Variants in ARL15 observed in about 807,000 individuals in gnomAD.
ARL15 encodes ARF like GTPase 15, also known as ADP-ribosylation factor-like protein 15.
ARL15 carries 19 observed loss-of-function variants against 25.2 expected under a neutral mutation model. The observed-to-expected ratio is 0.75, with a 90% CI of 0.53 to 1.10. ARL15 has a LOEUF of 1.10. ARL15 is among the 50% of genes least tolerant of loss of function. The probability of loss-of-function intolerance (pLI) is 0.00; values close to 1 mark genes in which losing one functional copy is unlikely to be tolerated. For missense variants in ARL15, 220 were observed against 246.0 expected (o/e 0.89, Z 0.71); for synonymous variants, 94 against 86.8 (o/e 1.08, Z -0.46).
At chr5:54,113,103 AC>A in intron 4 of ARL15, 98 bp downstream of exon 4, 1 of 1,182,490 alleles carries the variant, frequency 8.5e-7, no homozygotes, top group Non-Finnish European at 1.2e-6. Flanking sequence ...AAGCAGCATA[AC>A]CAGCACATTC....
intron 4 of ARL15, among the ~76,000 whole-genome samples, chr5:54,100,887 G>A (rs1752415669): frequency 6.6e-6 from 1 of 151,954 alleles, no homozygotes; most frequent in Admixed American, 6.6e-5. Context: ...CTAGAAAAGT[G>A]AACTACTTTT....
rs1287048972 is a variant in ARL15, at chr5:53,885,134, T to C, written c.*1427A>G. 1 of 152,626 alleles carries C rather than the reference T, an allele frequency of 6.6e-6. No homozygotes were observed. The highest frequency in any genetic ancestry group is 1.9e-4 in the East Asian group (1 of 5,194). The allele number at this position is 152,626 out of a possible 1,614,324, so 9.5% of individuals were successfully genotyped here. On this transcript the variant is annotated 3_prime_UTR_variant, in exon 5 of 5. Transcript: ENST00000504924. ...GGTATTACATCATTCTGTAATATAG[T>C]GTGAGTCTGTGGTATTTGGGTATCA...
At chr5:54,125,231 G>A (rs1033899049) in intron 3 of ARL15, among the ~76,000 whole-genome samples, 7 of 151,712 alleles carry the variant, frequency 4.6e-5, no homozygotes, top group Non-Finnish European at 1.0e-4. Flanking sequence ...ACGGGGTTTC[G>A]CCATGTTGGT....
chr5:54,149,684 T>C (rs1006272747), intron 3 of ARL15, among the ~76,000 whole-genome samples: 1 of 152,182 alleles, frequency 6.6e-6, no homozygotes. Flanking sequence ...CCTAGAATCA[T>C]ACAGAATTTC....
intron 1 of ARL15, among the ~76,000 whole-genome samples, chr5:54,274,772 T>C (rs759562237): frequency 3.3e-5 from 5 of 152,038 alleles, no homozygotes; most frequent in Non-Finnish European, 7.4e-5. Flanking sequence ...CACACACCTG[T>C]AATCCCAGCT....
chr5:54,108,767 GA>G (rs1752657582), intron 4 of ARL15, among the ~76,000 whole-genome samples: 1 of 151,630 alleles, frequency 6.6e-6, no homozygotes, highest in South Asian at 2.1e-4. Flanking sequence ...TTGTAGAAAG[GA>G]AAAAAAGTAC....
At chr5:54,211,059 A>C (rs1561268287) in intron 1 of ARL15, among the ~76,000 whole-genome samples, 1 of 152,248 alleles carries the variant, frequency 6.6e-6, no homozygotes, top group Non-Finnish European at 1.5e-5. Context: ...ACACAAAACG[A>C]AACTAGGATT....
At chr5:53,950,671 A>G (rs1334413628) in intron 4 of ARL15, among the ~76,000 whole-genome samples, 3 of 152,030 alleles carry the variant, frequency 2.0e-5, no homozygotes, top group Non-Finnish European at 4.4e-5. Flanking sequence ...AATCTTCTCC[A>G]TGCTTTTTTT....
chr5:54,047,342 T>G (rs948884485), intron 4 of ARL15, among the ~76,000 whole-genome samples: 16 of 152,162 alleles, frequency 1.1e-4, no homozygotes, highest in Non-Finnish European at 2.1e-4. Flanking sequence ...CAAAACCAAC[T>G]AATCAATAGC....
At chr5:54,094,860 A>G (rs1561221940) in intron 4 of ARL15, among the ~76,000 whole-genome samples, 1 of 152,184 alleles carries the variant, frequency 6.6e-6, no homozygotes, top group African/African-American at 2.4e-5. Context: ...GCACCTATAT[A>G]TACATCAATA....
At chr5:54,176,572 T>C (rs1390258459) in intron 1 of ARL15, among the ~76,000 whole-genome samples, 1 of 152,178 alleles carries the variant, frequency 6.6e-6, no homozygotes, top group Non-Finnish European at 1.5e-5. Context: ...CCTTTCACTG[T>C]TGTACAATGC....
intron 1 of ARL15, among the ~76,000 whole-genome samples, chr5:54,292,019 A>G (rs1758348635): frequency 6.6e-6 from 1 of 152,076 alleles, no homozygotes; most frequent in Non-Finnish European, 1.5e-5. Flanking sequence ...GCCCCAATCT[A>G]TATGCTCAGG....
At chr5:54,035,777 CTA>C (rs1266296730) in intron 4 of ARL15, among the ~76,000 whole-genome samples, 2 of 152,066 alleles carry the variant, frequency 1.3e-5, no homozygotes, top group Admixed American at 6.5e-5. Context: ...CATATTTGAA[CTA>C]TGTTTCTTTC....
At chr5:54,087,221 G>T (rs113729166) in intron 4 of ARL15, among the ~76,000 whole-genome samples, 1 of 152,062 alleles carries the variant, frequency 6.6e-6, no homozygotes, top group African/African-American at 2.4e-5. Context: ...CCAGCTACTC[G>T]GGAGGCTCAG....
chr5:54,216,249 TCACTCAACAG>T (rs1217960534), intron 1 of ARL15, among the ~76,000 whole-genome samples: 1 of 152,218 alleles, frequency 6.6e-6, no homozygotes. Flanking sequence ...TCAAAAAGTA[TCACTCAACAG>T]CATCACTTCA....
chr5:53,913,403 A>T (rs1745529811), intron 4 of ARL15, among the ~76,000 whole-genome samples: 1 of 152,160 alleles, frequency 6.6e-6, no homozygotes, highest in Admixed American at 6.5e-5. Flanking sequence ...GCCCTTTCCA[A>T]ATATGAACTC....
chr5:54,071,649 T>A (rs1319700763), intron 4 of ARL15, among the ~76,000 whole-genome samples: 1 of 151,844 alleles, frequency 6.6e-6, no homozygotes, highest in Non-Finnish European at 1.5e-5. Flanking sequence ...TACTGAACTG[T>A]GTCAGGGAAA....
At chr5:54,108,890 G>A (rs938703462) in intron 4 of ARL15, among the ~76,000 whole-genome samples, 12 of 151,730 alleles carry the variant, frequency 7.9e-5, no homozygotes, top group African/African-American at 1.5e-4. Flanking sequence ...ACTAAAAAGC[G>A]AAAATTAAAT....
intron 1 of ARL15, among the ~76,000 whole-genome samples, chr5:54,198,951 A>G (rs1291490766): frequency 6.6e-6 from 1 of 152,128 alleles, no homozygotes; most frequent in Non-Finnish European, 1.5e-5. Context: ...AAACAGAGAT[A>G]TAGATCAATG....
Sources: allele counts gnomAD v4.1 joint callset (sites outside exome capture counted in the v4.1 genomes callset), GRCh38; gene constraint gnomAD v4.1.1; transcripts MANE v1.5; gene names NCBI Gene and HGNC (gene_info 2026-07-23, HGNC 2026-07-21).